DLGAP2: variants seen among roughly 807,000 people sequenced by gnomAD.
The protein encoded by DLGAP2 is disks large-associated protein 2.
DLGAP2 carries 26 observed loss-of-function variants against 100.3 expected under a neutral mutation model. The observed-to-expected ratio is 0.26, with a 90% confidence interval of 0.19 to 0.36. DLGAP2 has a LOEUF of 0.36. Ranked by LOEUF, DLGAP2 falls within the 10% of genes least tolerant of loss-of-function variation. DLGAP2 has a pLI of 1.00. For missense variants in DLGAP2, 1,858 were observed against 1,453.2 expected (o/e 1.28, Z -4.53); for synonymous variants, 886 against 630.1 (o/e 1.41, Z -6.08).
intron 1 of DLGAP2, among the ~76,000 whole-genome samples, chr8:757,627 G>A (rs1477823452): frequency 6.6e-6 from 1 of 152,214 alleles, no homozygotes; most frequent in Non-Finnish European, 1.5e-5. Flanking sequence ...CACAGGCTGT[G>A]TGGTCCACAG....
chr8:1,689,798 A>C (rs1286691429), intron 12 of DLGAP2, among the ~76,000 whole-genome samples: 2 of 152,174 alleles, frequency 1.3e-5, no homozygotes, highest in Non-Finnish European at 2.9e-5. Flanking sequence ...TGCGTAGATC[A>C]TCTGCCCCCT....
At chr8:1,142,368 T>C (rs887653537) in intron 2 of DLGAP2, among the ~76,000 whole-genome samples, 6 of 152,106 alleles carry the variant, frequency 3.9e-5, no homozygotes, top group African/African-American at 1.4e-4. Context: ...AGAAAATGAG[T>C]TGATAGGCTT....
chr8:856,142 G>A (rs1160716146), intron 1 of DLGAP2, among the ~76,000 whole-genome samples: 2 of 150,146 alleles, frequency 1.3e-5, no homozygotes, highest in Non-Finnish European at 3.0e-5. Flanking sequence ...TATTTATGTA[G>A]AAGATCCCAA....
intron 1 of DLGAP2, among the ~76,000 whole-genome samples, chr8:871,581 T>C (rs1055475584): frequency 1.3e-5 from 2 of 152,206 alleles, no homozygotes; most frequent in African/African-American, 4.8e-5. Flanking sequence ...TGTTCCAGCT[T>C]CCAAAACCTT....
chr8:1,644,346 C>G (rs1157032416), intron 8 of DLGAP2, among the ~76,000 whole-genome samples: 3 of 152,222 alleles, frequency 2.0e-5, no homozygotes, highest in Non-Finnish European at 4.4e-5. Context: ...GGGTTGCAAA[C>G]CCCAGTGACC....
chr8:961,915 G>C (rs762064366), intron 2 of DLGAP2, among the ~76,000 whole-genome samples: 83 of 152,282 alleles, frequency 5.5e-4, no homozygotes, highest in Non-Finnish European at 1.0e-3. Context: ...ATGTGGAGTG[G>C]CTTTGCTGGC....
chr8:1,377,779 T>A (rs1795993436), intron 3 of DLGAP2: 1 of 152,264 alleles, frequency 6.6e-6, no homozygotes, highest in African/African-American at 2.4e-5. Flanking sequence ...AGCTTCTTCA[T>A]GTTTTTCACC....
At chr8:905,736 C>G (rs1332756212) in intron 1 of DLGAP2, among the ~76,000 whole-genome samples, 2 of 152,162 alleles carry the variant, frequency 1.3e-5, no homozygotes, top group East Asian at 3.9e-4. Context: ...GGGGCGCCAG[C>G]TCCCATGGAG....
At chr8:1,435,124 G>T (rs1797578807) in intron 3 of DLGAP2, among the ~76,000 whole-genome samples, 1 of 152,204 alleles carries the variant, frequency 6.6e-6, no homozygotes, top group Admixed American at 6.5e-5. Flanking sequence ...GGCCTACTGT[G>T]TCCTCTTGTA....
intron 1 of DLGAP2, among the ~76,000 whole-genome samples, chr8:847,644 C>T (rs558952957): frequency 6.6e-6 from 1 of 151,988 alleles, no homozygotes; most frequent in East Asian, 1.9e-4. Flanking sequence ...GTAGCTGGGA[C>T]TATAGGCGCA....
At chr8:909,338 T>C (rs1798440034) in intron 2 of DLGAP2, among the ~76,000 whole-genome samples, 1 of 152,222 alleles carries the variant, frequency 6.6e-6, no homozygotes, top group Non-Finnish European at 1.5e-5. Flanking sequence ...AAGAAATTAA[T>C]TTTCCTGATT....
intron 8 of DLGAP2, among the ~76,000 whole-genome samples, chr8:1,659,981 CA>C (rs1368760123): frequency 6.6e-6 from 1 of 152,076 alleles, no homozygotes; most frequent in African/African-American, 2.4e-5. Flanking sequence ...TGGCTGGTAC[CA>C]GTTTTTCCTT....
intron 1 of DLGAP2, among the ~76,000 whole-genome samples, chr8:818,739 A>G (rs1343147119): frequency 6.6e-6 from 1 of 152,250 alleles, no homozygotes; most frequent in African/African-American, 2.4e-5. Context: ...AAGAAAATAA[A>G]GAGAAAATTC....
intron 2 of DLGAP2, among the ~76,000 whole-genome samples, chr8:1,197,650 CA>C (rs1797780268): frequency 3.0e-5 from 2 of 66,260 alleles, no homozygotes; most frequent in Non-Finnish European, 5.5e-5. Flanking sequence ...TGAGCCACGC[CA>C]ATGTGGAGCA....
chr8:899,829 G>T (rs1798214774), intron 1 of DLGAP2, among the ~76,000 whole-genome samples: 1 of 152,196 alleles, frequency 6.6e-6, no homozygotes, highest in Non-Finnish European at 1.5e-5. Context: ...ACATTCAGTG[G>T]CGTGGTGTAA....
At chr8:827,480 G>C (rs1189174295) in intron 1 of DLGAP2, among the ~76,000 whole-genome samples, 1 of 152,190 alleles carries the variant, frequency 6.6e-6, no homozygotes, top group Non-Finnish European at 1.5e-5. Flanking sequence ...TCAATGATAT[G>C]ATAGTTCAGT....
chr8:1,170,511 C>A (rs943997008), intron 2 of DLGAP2, among the ~76,000 whole-genome samples: 2 of 151,502 alleles, frequency 1.3e-5, no homozygotes, highest in Non-Finnish European at 2.9e-5. Context: ...TCCATCTGGT[C>A]CTGGACTCTT....
chr8:816,443 T>C (rs1289242279), intron 1 of DLGAP2, among the ~76,000 whole-genome samples: 6 of 152,186 alleles, frequency 3.9e-5, no homozygotes, highest in Non-Finnish European at 8.8e-5. Flanking sequence ...TCAGCATTTG[T>C]TTATCTGGAA....
chr8:1,565,813 C>A lies in DLGAP2; in HGVS notation c.1361C>A (p.Pro454His). The A allele has an allele frequency of 6.2e-7, 1 of 1,613,736 alleles. No homozygotes were observed. The highest frequency in any genetic ancestry group is 8.5e-7 in the Non-Finnish European group (1 of 1,179,830). Residue 454 changes from proline (P) to histidine (H), a missense_variant, in exon 6 of 15, where the codon CCC (proline) becomes CAC (histidine). By Grantham distance (77) the Pro-to-His change is moderately conservative. Coordinates refer to ENST00000637795, the MANE Select transcript of DLGAP2 (RefSeq NM_001346810.2). The part of the protein sequence containing the change: ...DEESGESDSS[P>H]KTSPKSAILP... ...GAGAGCGGAGAGTCAGACTCCAGCCCCAAGACATCACCAAAGTCGGCAATC... is the reference window on the plus strand; with the variant it reads ...GAGAGCGGAGAGTCAGACTCCAGCCACAAGACATCACCAAAGTCGGCAATC...
Sources: allele counts gnomAD v4.1 joint callset (sites outside exome capture counted in the v4.1 genomes callset), GRCh38; gene constraint gnomAD v4.1.1; transcripts MANE v1.5; gene names NCBI Gene and HGNC (gene_info 2026-07-23, HGNC 2026-07-21).